ADK: variants seen among roughly 807,000 people sequenced by gnomAD.
ADK encodes adenosine kinase, also known as N6,N6-dimethyladenosine kinase.
Under a neutral mutation model 44.7 loss-of-function variants are expected in ADK, and 24 were observed. The ratio of observed to expected loss-of-function variants is 0.54; its 90% confidence interval spans 0.39 to 0.76. ADK has a LOEUF of 0.76. ADK is among the 30% of genes least tolerant of loss of function. The pLI, the probability that ADK is intolerant of heterozygous loss-of-function variation, is 0.00. For synonymous variants in ADK, 128 were observed against 142.6 expected (o/e 0.90, Z 0.73); for missense variants, 321 against 425.1 (o/e 0.76, Z 2.15).
Position 74,599,284 on chromosome 10 carries a change from G to T in ADK, c.763-1095G>T, listed in dbSNP as rs191605949. On this transcript the variant is annotated intron_variant, in intron 8 of 10. Coordinates refer to ENST00000539909, the MANE Select transcript of ADK (RefSeq NM_006721.4). ...TATTATCTGGAATTTATTAAATATT[G>T]AGTGAACAAACAATATAAAAATATT... Among the ~76,000 whole-genome samples, 5 of 152,246 alleles carry T rather than the reference G, an allele frequency of 3.3e-5. No homozygotes were observed. In the East Asian group the frequency reaches 9.7e-4, roughly 29 times the overall value.
At chr10:74,372,532 T>C (rs1210609854) in intron 4 of ADK, 5 of 337,286 alleles carry the variant, frequency 1.5e-5, no homozygotes, top group African/African-American at 6.3e-5. Flanking sequence ...AATATCAAGA[T>C]AGAAAAATAT....
At chr10:74,353,279 C>G (rs1304940657) in intron 4 of ADK, among the ~76,000 whole-genome samples, 1 of 152,018 alleles carries the variant, frequency 6.6e-6, no homozygotes, top group South Asian at 2.1e-4. Context: ...AAGCTGGAAA[C>G]CATCATTTTT....
intron 3 of ADK, among the ~76,000 whole-genome samples, chr10:74,292,340 C>T (rs988540993): frequency 2.6e-5 from 4 of 152,144 alleles, no homozygotes; most frequent in African/African-American, 9.7e-5. Context: ...GGGAAGATGA[C>T]ACCTTTTGTC....
At chr10:74,229,688 C>T (rs1000482783) in intron 3 of ADK, among the ~76,000 whole-genome samples, 22 of 152,072 alleles carry the variant, frequency 1.4e-4, no homozygotes, top group African/African-American at 4.1e-4. Context: ...TGAGCCACCG[C>T]GCCCGGTCTG....
chr10:74,639,096 A>T (rs1252153510), intron 9 of ADK, among the ~76,000 whole-genome samples: 2 of 152,222 alleles, frequency 1.3e-5, no homozygotes, highest in Non-Finnish European at 2.9e-5. Flanking sequence ...AGCATGAACC[A>T]CCATGCTCAG....
intron 2 of ADK, among the ~76,000 whole-genome samples, chr10:74,210,196 GCA>G (rs1175472867): frequency 1.3e-5 from 2 of 151,964 alleles, no homozygotes; most frequent in African/African-American, 2.4e-5. Context: ...GGGTGTGGTG[GCA>G]CACGCCTGCA....
intron 10 of ADK, among the ~76,000 whole-genome samples, chr10:74,672,676 C>T (rs1343374173): frequency 6.6e-6 from 1 of 152,140 alleles, no homozygotes; most frequent in African/African-American, 2.4e-5. Flanking sequence ...ATGTTGCCAT[C>T]TTTAGCACAT....
intron 1 of ADK, among the ~76,000 whole-genome samples, chr10:74,200,099 G>A (rs187798290): frequency 3.8e-4 from 57 of 149,486 alleles, no homozygotes; most frequent in African/African-American, 1.3e-3. Context: ...AACCTAATTT[G>A]CATTCCCATC....
chr10:74,521,012 A>G (rs558655448), intron 6 of ADK, among the ~76,000 whole-genome samples: 1 of 152,286 alleles, frequency 6.6e-6, no homozygotes, highest in African/African-American at 2.4e-5. Flanking sequence ...TTTCTAAACT[A>G]TAGACTTGAT....
At chr10:74,336,157 T>A (rs2131860047) in intron 4 of ADK, among the ~76,000 whole-genome samples, 1 of 152,264 alleles carries the variant, frequency 6.6e-6, no homozygotes, top group South Asian at 2.1e-4. Flanking sequence ...TGTAGATCTG[T>A]GATCCATTTT....
intron 1 of ADK, among the ~76,000 whole-genome samples, chr10:74,165,309 G>C (rs1290742017): frequency 6.6e-6 from 1 of 152,088 alleles, no homozygotes; most frequent in Non-Finnish European, 1.5e-5. Flanking sequence ...TTGTACAGTT[G>C]AGGGTATTAA....
chr10:74,434,844 CTGCCAACATCCTGG>C (rs1845127130), intron 6 of ADK, among the ~76,000 whole-genome samples: 1 of 152,208 alleles, frequency 6.6e-6, no homozygotes, highest in Non-Finnish European at 1.5e-5. Flanking sequence ...TTGTTTAACA[CTGCCAACATCCTGG>C]TGCACGATCA....
rs71021599 is a variant in ADK at position 74,280,415 on chromosome 10, AAC to A, written c.195-34221_195-34220del. ...CCGCGCCCGGCCTTAAACAAGTTTA[AAC>A]ACACACACACACACACACACACACA... is the stretch of plus-strand genomic sequence containing the variant. On this transcript the variant is annotated intron_variant, in intron 3 of 10. Transcript: ENST00000539909. Among the ~76,000 whole-genome samples the A allele has an allele frequency of 4.3e-3, 619 of 144,402 alleles. 3 individuals carry two copies. Among genetic ancestry groups the A allele is most frequent in the African/African-American group, 0.014 (525 of 38,674 alleles). The allele number at this position is 144,402 out of a possible 152,430, so 94.7% of individuals were successfully genotyped here. A position where few individuals can be genotyped will look rare whatever the true frequency, so the allele number is the denominator to read the frequency against.
intron 2 of ADK, among the ~76,000 whole-genome samples, chr10:74,218,144 C>T (rs561611743): frequency 3.3e-5 from 5 of 152,174 alleles, no homozygotes; most frequent in African/African-American, 1.2e-4. Flanking sequence ...GAATGTATAA[C>T]TAGAATAACC....
At chr10:74,614,337 T>G (rs1004034566) in intron 9 of ADK, among the ~76,000 whole-genome samples, 8 of 152,146 alleles carry the variant, frequency 5.3e-5, no homozygotes, top group Admixed American at 5.2e-4. Context: ...TGTTGAGATA[T>G]AGATTACATA....
At chr10:74,446,303 G>A (rs1845584121) in intron 6 of ADK, among the ~76,000 whole-genome samples, 1 of 151,980 alleles carries the variant, frequency 6.6e-6, no homozygotes, top group African/African-American at 2.4e-5. Context: ...TTAATACACT[G>A]ATGTTCATTT....
chr10:74,303,588 G>GTTGTTTTTTT lies in ADK; in HGVS notation c.195-11077_195-11076insGTTTTTTTTT, dbSNP rs1840139803. On this transcript the variant is annotated intron_variant, in intron 3 of 10. Transcript: ENST00000539909. ...CACTTTTCATATTGGTTTTAATGTT[G>GTTGTTTTTTT]TTTTTTTTTTTTTTTTTTTTTTTTT... Among the ~76,000 whole-genome samples, 8 of 68,576 alleles carry GTTGTTTTTTT rather than the reference G, an allele frequency of 1.2e-4. 1 individual carries two copies. The highest frequency in any genetic ancestry group is 5.5e-4 in the African/African-American group (7 of 12,686). The allele number at this position is 68,576 out of a possible 152,430, so 45.0% of individuals were successfully genotyped here. A position where few individuals can be genotyped will look rare whatever the true frequency, so the allele number is the denominator to read the frequency against.
At chr10:74,392,626 A>G (rs771852183) in intron 4 of ADK, among the ~76,000 whole-genome samples, 1 of 152,266 alleles carries the variant, frequency 6.6e-6, no homozygotes, top group South Asian at 2.1e-4. Context: ...TTTGCCATGC[A>G]GAAGTTAAGC....
intron 9 of ADK, among the ~76,000 whole-genome samples, chr10:74,633,440 T>C (rs148246696): frequency 2.0e-5 from 3 of 152,294 alleles, no homozygotes; most frequent in African/African-American, 7.2e-5. Context: ...ACCAAAATAA[T>C]TGGAAACAAC....
Sources: gnomAD v4.1 joint callset for allele counts (sites outside exome capture counted in the v4.1 genomes callset) on GRCh38, gnomAD v4.1.1 for gene constraint, MANE v1.5 for transcripts, NCBI Gene and HGNC (gene_info 2026-07-23, HGNC 2026-07-21) for gene names.